The following TPMT variants were observed in gnomAD, a reference collection of about 807,000 sequenced individuals.
TPMT encodes thiopurine S-methyltransferase, also known as S-adenosyl-L-methionine:thiopurine S-methyltransferase.
Under a neutral mutation model 34.2 loss-of-function variants are expected in TPMT, and 18 were observed. That is an observed-to-expected ratio of 0.53 (90% CI 0.36 to 0.78). The LOEUF (loss-of-function observed/expected upper bound fraction) is 0.78, where lower values mean the gene tolerates loss of function less well. Among genes scored for constraint, TPMT ranks in the 30% least tolerant of loss-of-function variants. TPMT has a pLI of 0.00. For synonymous variants in TPMT, 69 were observed against 92.4 expected (o/e 0.75, Z 1.45); for missense variants, 265 against 288.1 (o/e 0.92, Z 0.58).
At position 18,130,551 on chromosome 6, in the gene TPMT, T is replaced by G. The variant is rs1326768569; in HGVS notation, c.*117A>C. 1.4e-6 allele frequency: 1 copy of G among 736,734 alleles called. No individual in the cohort carries two copies. Among genetic ancestry groups the G allele is most frequent in the East Asian group, 2.8e-5 (1 of 35,826 alleles). The allele number at this position is 736,734 out of a possible 1,614,324, so 45.6% of individuals were successfully genotyped here. A position where few individuals can be genotyped will look rare whatever the true frequency, so the allele number is the denominator to read the frequency against. ...ACTAAAAAGCCATTTTTAGTAAAGA[T>G]CTATCATATGATTTATAAACAATTT... On this transcript the variant is annotated 3_prime_UTR_variant, in exon 9 of 9. Coordinates refer to ENST00000309983, the MANE Select transcript of TPMT (RefSeq NM_000367.5). This position sits in a 1 kb window ranked among gnomAD's most constrained non-coding sequence, Gnocchi z 4.2.
chr6:18,151,505 T>C (rs182047141), intron 1 of TPMT, among the ~76,000 whole-genome samples: 3 of 152,182 alleles, frequency 2.0e-5, no homozygotes, highest in Admixed American at 2.0e-4. Flanking sequence ...ATAAAATGAA[T>C]GAAGGCAAAG....
chr6:18,139,962 G>A lies in TPMT; in HGVS notation c.367-245C>T, dbSNP rs183829823. The stretch of plus-strand genomic sequence containing the variant: ...GGACAACTTTGAAGATCAGTTGGCT[G>A]TTACTCACTTCAGAGCTTGCTATAA... On this transcript the variant is annotated intron_variant, in intron 4 of 8. Transcript: ENST00000309983. This position sits in a 1 kb window ranked among gnomAD's most constrained non-coding sequence, Gnocchi z 4.2. Among the ~76,000 whole-genome samples the A allele has an allele frequency of 6.6e-6, 1 of 152,142 alleles. No individual in the cohort carries two copies. The highest frequency in any genetic ancestry group is 2.4e-5 in the African/African-American group (1 of 41,430).
rs995666398 is a variant in TPMT, at chr6:18,148,334, G to A, written c.141-419C>T. On this transcript the variant is annotated intron_variant, in intron 2 of 8. Transcript: ENST00000309983. This position sits in a 1 kb window ranked among gnomAD's most constrained non-coding sequence, Gnocchi z 4.1. Reference sequence around the variant, plus strand: ...TGTAGTTTCTTGTAATTCCCTCTGTGGAGATGTGGCTCTTCTAAGGCCATC... The same window carrying A: ...TGTAGTTTCTTGTAATTCCCTCTGTAGAGATGTGGCTCTTCTAAGGCCATC... 3.9e-5 allele frequency among the ~76,000 whole-genome samples: 6 copies of A among 152,052 alleles called. No individual in the cohort carries two copies. In the East Asian group the frequency reaches 1.2e-3, roughly 29 times the overall value.
chr6:18,136,718 G>A lies in TPMT; in HGVS notation c.494+2245C>T, dbSNP rs1017924568. ...CCAGCTACCTGGGAGGCTGAGGCAGGAGATTCGCTTGAACCTGGCAGGCAG... is the reference window on the plus strand; with the variant it reads ...CCAGCTACCTGGGAGGCTGAGGCAGAAGATTCGCTTGAACCTGGCAGGCAG... On this transcript the variant is annotated intron_variant, in intron 6 of 8. Transcript: ENST00000309983. The surrounding 1 kb of genome is among the most constrained non-coding windows in gnomAD (Gnocchi z 4.7). Among the ~76,000 whole-genome samples the A allele has an allele frequency of 2.0e-5, 3 of 152,224 alleles. No individual in the cohort carries two copies. The highest frequency in any genetic ancestry group is 7.2e-5 in the African/African-American group (3 of 41,466).
chr6:18,143,422 G>C lies in TPMT; in HGVS notation c.366+174C>G, dbSNP rs1784184156. On this transcript the variant is annotated intron_variant, in intron 4 of 8. Coordinates refer to ENST00000309983, the MANE Select transcript of TPMT (RefSeq NM_000367.5). This position sits in a 1 kb window ranked among gnomAD's most constrained non-coding sequence, Gnocchi z 6.1. ...TATACATATGTCTATACCTATTTAG[G>C]TAGCTATCACCTATATTTTTAAGCC... is the stretch of plus-strand genomic sequence containing the variant. Among the ~76,000 whole-genome samples the C allele has an allele frequency of 6.6e-6, 1 of 152,120 alleles. No individual in the cohort carries two copies. The highest frequency in any genetic ancestry group is 6.5e-5 in the Admixed American group (1 of 15,268).
Position 18,148,837 on chromosome 6 carries a change from C to T in TPMT, c.140+151G>A. 9.2e-7 allele frequency: 1 copy of T among 1,087,308 alleles called. No individual in the cohort carries two copies. The highest frequency in any genetic ancestry group is 1.4e-5 in the South Asian group (1 of 73,098). 67.4% of individuals were successfully genotyped at this position (1,087,308 alleles called of 1,614,324 possible). A position where few individuals can be genotyped will look rare whatever the true frequency, so the allele number is the denominator to read the frequency against. On this transcript the variant is annotated intron_variant, in intron 2 of 8. Transcript: ENST00000309983. This position sits in a 1 kb window ranked among gnomAD's most constrained non-coding sequence, Gnocchi z 4.1. ...CTCTGCCAATTAAACTACATCATGCCACAGATGCACTGTGACTCGGGAGAC... is the reference window on the plus strand; with the variant it reads ...CTCTGCCAATTAAACTACATCATGCTACAGATGCACTGTGACTCGGGAGAC...
chr6:18,149,259 A>G lies in TPMT; in HGVS notation c.-44-88T>C, dbSNP rs566132392. 6.9e-6 allele frequency: 8 copies of G among 1,153,640 alleles called. No homozygotes were observed. In the East Asian group the frequency reaches 1.7e-4, roughly 24 times the overall value. The allele number at this position is 1,153,640 out of a possible 1,614,324, so 71.5% of individuals were successfully genotyped here. ...ATGAAAACCTATTATTCTTAGCAGT[A>G]TGACTTTTTAAAAATATTTCTTTCT... On this transcript the variant is annotated intron_variant, in intron 1 of 8. Transcript: ENST00000309983. The surrounding 1 kb of genome is among the most constrained non-coding windows in gnomAD (Gnocchi z 5.0).
chr6:18,133,716 G>A, intron 7 of TPMT, 88 bp downstream of exon 7: 3 of 1,001,236 alleles, frequency 3.0e-6, no homozygotes, highest in Non-Finnish European at 4.6e-6. Flanking sequence ...GATAAATTAG[G>A]AGAAAATAAT....
chr6:18,152,129 C>T (rs1784365067), intron 1 of TPMT, among the ~76,000 whole-genome samples: 1 of 152,178 alleles, frequency 6.6e-6, no homozygotes, highest in Non-Finnish European at 1.5e-5. Flanking sequence ...CTTGTTTCAA[C>T]CATACTCTCA....
At position 18,148,340 on chromosome 6, in the gene TPMT, G is replaced by A. The variant is rs535602871; in HGVS notation, c.141-425C>T. Reference sequence around the variant, plus strand: ...TTCTTGTAATTCCCTCTGTGGAGATGTGGCTCTTCTAAGGCCATCCACATG... The same window carrying A: ...TTCTTGTAATTCCCTCTGTGGAGATATGGCTCTTCTAAGGCCATCCACATG... On this transcript the variant is annotated intron_variant, in intron 2 of 8. Transcript: ENST00000309983. The surrounding 1 kb of genome is among the most constrained non-coding windows in gnomAD (Gnocchi z 4.1). Among the ~76,000 whole-genome samples, 4 of 152,212 alleles carry A rather than the reference G, an allele frequency of 2.6e-5. No individual in the cohort carries two copies. The highest frequency in any genetic ancestry group is 5.9e-5 in the Non-Finnish European group (4 of 68,016).
At chr6:18,133,682 A>G (rs1783987619) in intron 7 of TPMT, 122 bp downstream of exon 7, 1 of 728,906 alleles carries the variant, frequency 1.4e-6, no homozygotes, top group Non-Finnish European at 2.3e-6. Flanking sequence ...ATCTCCATGT[A>G]TATATGCAGT....
rs189810658 is a variant in TPMT, at chr6:18,128,903, G to T, written c.*1765C>A. 11 of 152,228 alleles carry T rather than the reference G, an allele frequency of 7.2e-5. No individual in the cohort carries two copies. Among genetic ancestry groups the T allele is most frequent in the African/African-American group, 2.7e-4 (11 of 41,410 alleles). The allele number at this position is 152,228 out of a possible 1,614,324, so 9.4% of individuals were successfully genotyped here. A position where few individuals can be genotyped will look rare whatever the true frequency, so the allele number is the denominator to read the frequency against. ...CCTGGCTAATTTTTTTGTATTTTTA[G>T]TAGAGACGGGGTTGCTTTTCTATTC... is the stretch of plus-strand genomic sequence containing the variant. On this transcript the variant is annotated 3_prime_UTR_variant, in exon 9 of 9. Coordinates refer to ENST00000309983, the MANE Select transcript of TPMT (RefSeq NM_000367.5). The surrounding 1 kb of genome is among the most constrained non-coding windows in gnomAD (Gnocchi z 4.6).
chr6:18,143,826 A>T lies in TPMT; in HGVS notation c.234-98T>A. On this transcript the variant is annotated intron_variant, in intron 3 of 8. Transcript: ENST00000309983. The surrounding 1 kb of genome is among the most constrained non-coding windows in gnomAD (Gnocchi z 6.1). Reference sequence around the variant, plus strand: ...CATATATTTTCTTTAATTTAGAGGAATTTATATGAATTCAGGTTCATAGGG... The same window carrying T: ...CATATATTTTCTTTAATTTAGAGGATTTTATATGAATTCAGGTTCATAGGG... 1 of 1,441,578 alleles carries T rather than the reference A, an allele frequency of 6.9e-7. No homozygotes were observed. Among genetic ancestry groups the T allele is most frequent in the Non-Finnish European group, 9.5e-7 (1 of 1,054,052 alleles). 89.3% of individuals were successfully genotyped at this position (1,441,578 alleles called of 1,614,324 possible).
chr6:18,146,959 T>A lies in TPMT; in HGVS notation c.233+864A>T, dbSNP rs1423655977. ...TTATATTTTACATTTATTAATATTT[T>A]ATTTTAAATTTATTTTTTGAGGCAG... On this transcript the variant is annotated intron_variant, in intron 3 of 8. Coordinates refer to ENST00000309983, the MANE Select transcript of TPMT (RefSeq NM_000367.5). This position sits in a 1 kb window ranked among gnomAD's most constrained non-coding sequence, Gnocchi z 6.2. Among the ~76,000 whole-genome samples the A allele has an allele frequency of 2.6e-5, 4 of 152,208 alleles. No homozygotes were observed. Among genetic ancestry groups the A allele is most frequent in the Non-Finnish European group, 5.9e-5 (4 of 68,034 alleles).
In TPMT at chr6:18,136,858, G is replaced by A. The variant is rs1022207084; in HGVS notation, c.494+2105C>T. Among the ~76,000 whole-genome samples the A allele has an allele frequency of 1.3e-5, 2 of 151,936 alleles. No individual in the cohort carries two copies. The highest frequency in any genetic ancestry group is 4.8e-5 in the African/African-American group (2 of 41,386). ...TCTCATAAAATTTTTTTTTCTTTCT[G>A]GTAGGACAAATATTGGCAATTTTTG... is the stretch of plus-strand genomic sequence containing the variant. On this transcript the variant is annotated intron_variant, in intron 6 of 8. Coordinates refer to ENST00000309983, the MANE Select transcript of TPMT (RefSeq NM_000367.5). The surrounding 1 kb of genome is among the most constrained non-coding windows in gnomAD (Gnocchi z 4.7).
Position 18,148,965 on chromosome 6 carries a change from A to G in TPMT, c.140+23T>C. 1.9e-6 allele frequency: 3 copies of G among 1,612,568 alleles called. No individual in the cohort carries two copies. Among genetic ancestry groups the G allele is most frequent in the Non-Finnish European group, 2.5e-6 (3 of 1,179,826 alleles). On this transcript the variant is annotated intron_variant, in intron 2 of 8. Transcript: ENST00000309983. This position sits in a 1 kb window ranked among gnomAD's most constrained non-coding sequence, Gnocchi z 4.1. ...TCACTTTTTGATAGAACATTTCTCTATTGTATACCAAATATTTCTTACTGA... is the reference window on the plus strand; with the variant it reads ...TCACTTTTTGATAGAACATTTCTCTGTTGTATACCAAATATTTCTTACTGA...
chr6:18,143,794 G>A lies in TPMT; in HGVS notation c.234-66C>T. The A allele has an allele frequency of 6.3e-7, 1 of 1,578,208 alleles. No homozygotes were observed. The highest frequency in any genetic ancestry group is 1.1e-5 in the South Asian group (1 of 88,416). On this transcript the variant is annotated intron_variant, in intron 3 of 8. Coordinates refer to ENST00000309983, the MANE Select transcript of TPMT (RefSeq NM_000367.5). This position sits in a 1 kb window ranked among gnomAD's most constrained non-coding sequence, Gnocchi z 6.1. ...AATGACTAAATAGAGGGTTATATTAGAGTAAGCATATATTTTCTTTAATTT... is the reference window on the plus strand; with the variant it reads ...AATGACTAAATAGAGGGTTATATTAAAGTAAGCATATATTTTCTTTAATTT...
rs1306904631 is a variant in TPMT, at chr6:18,146,008, A to G, written c.233+1815T>C. On this transcript the variant is annotated intron_variant, in intron 3 of 8. Transcript: ENST00000309983. The surrounding 1 kb of genome is among the most constrained non-coding windows in gnomAD (Gnocchi z 6.2). Reference sequence around the variant, plus strand: ...AAACCTAAACCTAAATATCTTAAACATTTTGTTTTAATGCTTTTTGGCCTT... The same window carrying G: ...AAACCTAAACCTAAATATCTTAAACGTTTTGTTTTAATGCTTTTTGGCCTT... Among the ~76,000 whole-genome samples the G allele has an allele frequency of 2.6e-5, 4 of 152,018 alleles. No individual in the cohort carries two copies. The highest frequency in any genetic ancestry group is 1.3e-4 in the Admixed American group (2 of 15,254).
In TPMT at chr6:18,129,995, A is replaced by G. The variant is rs1027740328; in HGVS notation, c.*673T>C. The G allele has an allele frequency of 8.5e-5, 13 of 152,434 alleles. No individual in the cohort carries two copies. Among genetic ancestry groups the G allele is most frequent in the African/African-American group, 3.1e-4 (13 of 41,440 alleles). 9.4% of individuals were successfully genotyped at this position (152,434 alleles called of 1,614,324 possible). A position where few individuals can be genotyped will look rare whatever the true frequency, so the allele number is the denominator to read the frequency against. On this transcript the variant is annotated 3_prime_UTR_variant, in exon 9 of 9. Coordinates refer to ENST00000309983, the MANE Select transcript of TPMT (RefSeq NM_000367.5). Reference sequence around the variant, plus strand: ...TTCAACAATTCTAAATTTCATAAAGAATGTCAGGCCAGGTGCAGTGGCTCA... The same window carrying G: ...TTCAACAATTCTAAATTTCATAAAGGATGTCAGGCCAGGTGCAGTGGCTCA...
Sources: gnomAD v4.1 joint callset for allele counts (sites outside exome capture counted in the v4.1 genomes callset) on GRCh38, gnomAD v4.1.1 for gene constraint, Gnocchi (gnomAD v3.1) non-coding constraint, MANE v1.5 for transcripts, NCBI Gene and HGNC (gene_info 2026-07-23, HGNC 2026-07-21) for gene names.